MAP3K9: variants seen among roughly 807,000 people sequenced by gnomAD.
The protein encoded by MAP3K9 is mitogen-activated protein kinase kinase kinase 9.
Under a neutral mutation model 95.8 loss-of-function variants are expected in MAP3K9, and 46 were observed. The ratio of observed to expected loss-of-function variants is 0.48; its 90% confidence interval spans 0.38 to 0.61. The LOEUF is 0.61. MAP3K9 is among the 20% of genes least tolerant of loss of function. The probability of loss-of-function intolerance (pLI) is 0.00; values close to 1 mark genes in which losing one functional copy is unlikely to be tolerated. For missense variants in MAP3K9, 1,296 were observed against 1,474.3 expected (o/e 0.88, Z 1.98); for synonymous variants, 533 against 593.8 (o/e 0.90, Z 1.49).
chr14:70,791,533 G>A (rs893804819), intron 2 of MAP3K9, among the ~76,000 whole-genome samples: 1 of 152,224 alleles, frequency 6.6e-6, no homozygotes, highest in Non-Finnish European at 1.5e-5. Flanking sequence ...CACAGGAAAG[G>A]ATGGAGGCAA....
chr14:70,776,367 C>A (rs974059811), intron 2 of MAP3K9, among the ~76,000 whole-genome samples: 3 of 152,008 alleles, frequency 2.0e-5, no homozygotes, highest in African/African-American at 2.4e-5. Flanking sequence ...TTGTGGCTTG[C>A]GGGGAGGGTG....
At chr14:70,739,826 G>A in intron 7 of MAP3K9, 1 of 1,436,800 alleles carries the variant, frequency 7.0e-7, no homozygotes, top group Non-Finnish European at 9.3e-7. Flanking sequence ...GCTGATATGT[G>A]ACTAAAAGGT....
intron 1 of MAP3K9, among the ~76,000 whole-genome samples, chr14:70,808,377 TA>T: frequency 8.0e-6 from 1 of 124,434 alleles, no homozygotes; most frequent in Non-Finnish European, 1.5e-5. Context: ...ATTTGGGGAC[TA>T]AGGCTAGGAC....
chr14:70,790,379 G>C (rs1415859561), intron 2 of MAP3K9, among the ~76,000 whole-genome samples: 1 of 152,202 alleles, frequency 6.6e-6, no homozygotes, highest in African/African-American at 2.4e-5. Context: ...CATGCTTTAA[G>C]TCCTGGGCAG....
At chr14:70,790,745 G>C (rs1477836964) in intron 2 of MAP3K9, among the ~76,000 whole-genome samples, 1 of 152,146 alleles carries the variant, frequency 6.6e-6, no homozygotes, top group Non-Finnish European at 1.5e-5. Context: ...AGGCTGTCAG[G>C]GGTATTGAAG....
intron 2 of MAP3K9, among the ~76,000 whole-genome samples, chr14:70,784,670 G>C (rs2054725440): frequency 6.6e-6 from 1 of 152,140 alleles, no homozygotes; most frequent in Non-Finnish European, 1.5e-5. Context: ...TCGAACCCGG[G>C]AAGTGGAGGC....
In MAP3K9 at chr14:70,730,268, T is replaced by C. The variant is rs2053876042; in HGVS notation, c.*112A>G. 2 of 1,449,054 alleles carry C rather than the reference T, an allele frequency of 1.4e-6. No homozygotes were observed. The highest frequency in any genetic ancestry group is 1.9e-6 in the Non-Finnish European group (2 of 1,078,052). The allele number at this position is 1,449,054 out of a possible 1,614,324, so 89.8% of individuals were successfully genotyped here. A position where few individuals can be genotyped will look rare whatever the true frequency, so the allele number is the denominator to read the frequency against. On this transcript the variant is annotated 3_prime_UTR_variant, in exon 12 of 12. Transcript: ENST00000554752. ...TTCCATCTTCAAAGTGCATTATCAGTGCAAGAAGTAGGGCTGGATCTCAGG... is the reference window on the plus strand; with the variant it reads ...TTCCATCTTCAAAGTGCATTATCAGCGCAAGAAGTAGGGCTGGATCTCAGG...
intron 2 of MAP3K9, among the ~76,000 whole-genome samples, chr14:70,766,386 GT>G (rs2054455904): frequency 6.6e-6 from 1 of 152,114 alleles, no homozygotes; most frequent in African/African-American, 2.4e-5. Flanking sequence ...GAGCACTATA[GT>G]TATTATTATA....
At position 70,740,048 on chromosome 14, in the gene MAP3K9, T is replaced by C. The variant is rs781556899; in HGVS notation, c.1684A>G (p.Ile562Val). The change falls in exon 7 of 12, where the codon ATC becomes GTC. Residue 562 changes from isoleucine to valine, a missense_variant. This residue lies in a region of MAP3K9 where 377 missense variants were observed against 417.1 expected (regional missense o/e 0.90). Coordinates refer to ENST00000554752, the MANE Select transcript of MAP3K9 (RefSeq NM_001284230.2). ...SPTIIPRLRAIQLTPGESSKT... is the reference protein window; with the variant it reads ...SPTIIPRLRAVQLTPGESSKT... ...ATTTGGGAAACAGTCTCACACTGGA[T>C]GGCTCGAAGGCGAGGAATGATGGTG... 1.2e-6 allele frequency: 2 copies of C among 1,614,194 alleles called. No homozygotes were observed. Among genetic ancestry groups the C allele is most frequent in the East Asian group, 4.5e-5 (2 of 44,886 alleles).
intron 6 of MAP3K9, among the ~76,000 whole-genome samples, chr14:70,741,485 C>A (rs1299659620): frequency 6.6e-6 from 1 of 152,152 alleles, no homozygotes; most frequent in Non-Finnish European, 1.5e-5. Flanking sequence ...TTTTAGCATT[C>A]GGCTCCCTCC....
At chr14:70,755,049 C>G (rs528958870) in intron 3 of MAP3K9, among the ~76,000 whole-genome samples, 2 of 152,320 alleles carry the variant, frequency 1.3e-5, no homozygotes, top group South Asian at 4.1e-4. Flanking sequence ...ACTCAAAGAG[C>G]AGGAAGACAA....
rs34057307 is a variant in MAP3K9, at chr14:70,724,540, C to CA, written c.*5839dup. 77,851 of 147,398 alleles carry CA rather than the reference C, an allele frequency of 0.53. 20,847 individuals carry two copies. Among genetic ancestry groups the CA allele is most frequent in the South Asian group, 0.62 (2,928 of 4,714 alleles). The allele number at this position is 147,398 out of a possible 1,614,324, so 9.1% of individuals were successfully genotyped here. ...CTTGGGTTAAAATTTAAAGGGGTGC[C>CA]AAAAAAAAAAGAGCCTCAGTAATCA... On this transcript the variant is annotated 3_prime_UTR_variant, in exon 12 of 12. Transcript: ENST00000554752.
rs774902596 is a variant in MAP3K9, at chr14:70,730,714, C to T, written c.2981G>A (p.Arg994Gln). The T allele has an allele frequency of 6.2e-6, 10 of 1,613,726 alleles. No individual in the cohort carries two copies. Among genetic ancestry groups the T allele is most frequent in the Middle Eastern group, 1.6e-4 (1 of 6,062 alleles). Reference sequence around the variant, plus strand: ...TTGCCGGTTGGCAGAAGGACGCGGCCGAGGCAGAAACTCCAGAGTCTTGGG... The same window carrying T: ...TTGCCGGTTGGCAGAAGGACGCGGCTGAGGCAGAAACTCCAGAGTCTTGGG... The part of the protein sequence containing the change: ...ERPKTLEFLP[R>Q]PRPSANRQRL... Residue 994 changes from arginine to glutamine, a missense_variant, in exon 12 of 12, where the codon CGG becomes CAG. Physicochemically the swap from Arg to Gln is conservative, Grantham distance 43. Coordinates refer to ENST00000554752, the MANE Select transcript of MAP3K9 (RefSeq NM_001284230.2).
chr14:70,736,412 G>T (rs1363160151), intron 8 of MAP3K9, among the ~76,000 whole-genome samples: 2 of 152,046 alleles, frequency 1.3e-5, no homozygotes, highest in African/African-American at 2.4e-5. Flanking sequence ...TTAGTCAAAA[G>T]GTACTAAAAC....
intron 3 of MAP3K9, among the ~76,000 whole-genome samples, chr14:70,759,158 G>A (rs962191374): frequency 2.6e-5 from 4 of 152,140 alleles, no homozygotes; most frequent in Non-Finnish European, 4.4e-5. Context: ...AAATGTTCTG[G>A]AAATTGGCCG....
intron 2 of MAP3K9, among the ~76,000 whole-genome samples, chr14:70,777,915 G>T (rs2139818668): frequency 6.6e-6 from 1 of 152,260 alleles, no homozygotes; most frequent in Non-Finnish European, 1.5e-5. Context: ...GCATGCCTGA[G>T]AATCTACCTA....
chr14:70,748,772 A>G (rs1220858605), intron 5 of MAP3K9, 57 bp downstream of exon 5: 1 of 1,419,228 alleles, frequency 7.0e-7, no homozygotes, highest in Non-Finnish European at 9.7e-7. Flanking sequence ...CTACCAATTC[A>G]ATGCATGCCT....
At chr14:70,767,135 G>A (rs2054466521) in intron 2 of MAP3K9, among the ~76,000 whole-genome samples, 1 of 152,152 alleles carries the variant, frequency 6.6e-6, no homozygotes, top group South Asian at 2.1e-4. Flanking sequence ...TATAATCTCA[G>A]CACTTTAGGA....
chr14:70,750,135 C>T, intron 3 of MAP3K9, 54 bp from the exon 4 acceptor site: 8 of 1,448,646 alleles, frequency 5.5e-6, no homozygotes, highest in Non-Finnish European at 7.4e-6. Flanking sequence ...TACAACTTCA[C>T]TGCAATAGCT....
Sources: gnomAD v4.1 joint callset for allele counts (sites outside exome capture counted in the v4.1 genomes callset) on GRCh38, gnomAD v4.1.1 for gene constraint, gnomAD v4.1.1 regional missense constraint, MANE v1.5 for transcripts, NCBI Gene and HGNC (gene_info 2026-07-23, HGNC 2026-07-21) for gene names.